The following PRICKLE2 variants were observed in gnomAD, a reference collection of about 807,000 sequenced individuals.
PRICKLE2 encodes prickle-like protein 2.
A neutral mutation model predicts 81.4 loss-of-function variants in PRICKLE2; 21 were observed. The observed-to-expected ratio is 0.26, with a 90% confidence interval of 0.18 to 0.37. The LOEUF is 0.37. PRICKLE2 is among the 10% of genes least tolerant of loss of function. The pLI is 1.00. For missense variants in PRICKLE2, 940 were observed against 1,109.0 expected (o/e 0.85, Z 2.16); for synonymous variants, 456 against 421.5 (o/e 1.08, Z -1.00).
chr3:64,102,998 G>A (rs539775174), intron 7 of PRICKLE2: 1 of 152,280 alleles, frequency 6.6e-6, no homozygotes, highest in South Asian at 2.1e-4. Context: ...GAACATGAAA[G>A]AACAAATGTG....
intron 2 of PRICKLE2, among the ~76,000 whole-genome samples, chr3:64,237,442 C>T (rs534957437): frequency 1.4e-4 from 22 of 152,012 alleles, no homozygotes; most frequent in African/African-American, 2.2e-4. Context: ...CATCTCCGGC[C>T]GAACTCTTCT....
chr3:64,195,941 C>A (rs1156975476), intron 2 of PRICKLE2, among the ~76,000 whole-genome samples: 1 of 152,156 alleles, frequency 6.6e-6, no homozygotes. Context: ...ATCCAAAGAA[C>A]AACAGAATTA....
intron 1 of PRICKLE2, among the ~76,000 whole-genome samples, chr3:64,209,379 T>G (rs1267220653): frequency 6.6e-6 from 1 of 151,246 alleles, no homozygotes; most frequent in Admixed American, 6.6e-5. Flanking sequence ...CATACATCCA[T>G]ATCTACCCAT....
intron 2 of PRICKLE2, among the ~76,000 whole-genome samples, chr3:64,178,963 T>TTTTCTTTCTTTCTTTC (rs373261746): frequency 9.4e-4 from 104 of 111,090 alleles, no homozygotes; most frequent in East Asian, 2.5e-3. Flanking sequence ...AACATACATA[T>TTTTCTTTCTTTCTTTC]TTTCTTTCTT....
intron 2 of PRICKLE2, among the ~76,000 whole-genome samples, chr3:64,249,102 T>A (rs1405920542): frequency 6.6e-6 from 1 of 152,162 alleles, no homozygotes; most frequent in Non-Finnish European, 1.5e-5. Flanking sequence ...GACTGGGCAA[T>A]TTATGAAGAA....
intron 2 of PRICKLE2, among the ~76,000 whole-genome samples, chr3:64,198,296 G>T (rs1388444845): frequency 6.6e-6 from 1 of 151,748 alleles, no homozygotes; most frequent in Admixed American, 6.6e-5. Flanking sequence ...ACTTTAAAAC[G>T]TTTTTGTTGG....
At chr3:64,258,845 A>AAAAGAAAGAAAGAAAAGAAAGAAAG (rs2079570252) in intron 2 of PRICKLE2, among the ~76,000 whole-genome samples, 1 of 34,000 alleles carries the variant, frequency 2.9e-5, no homozygotes, top group African/African-American at 1.3e-4. Context: ...AAAAAAAAAA[A>AAAAGAAAGAAAGAAAAGAAAGAAAG]AAAGAAAGAA....
chr3:64,236,925 C>T (rs2079190484), intron 2 of PRICKLE2, among the ~76,000 whole-genome samples: 1 of 152,140 alleles, frequency 6.6e-6, no homozygotes, highest in Admixed American at 6.5e-5. Flanking sequence ...ATAGATCTTC[C>T]CACTTATCAT....
chr3:64,117,595 T>C (rs536710309), intron 7 of PRICKLE2, among the ~76,000 whole-genome samples: 4 of 152,224 alleles, frequency 2.6e-5, no homozygotes, highest in Non-Finnish European at 4.4e-5. Context: ...TGAACTCCCA[T>C]TCACAATTGC....
intron 1 of PRICKLE2, among the ~76,000 whole-genome samples, chr3:64,212,789 A>G (rs949575322): frequency 6.6e-6 from 1 of 152,182 alleles, no homozygotes; most frequent in African/African-American, 2.4e-5. Flanking sequence ...CCCTATGTCT[A>G]GGGATACAAA....
At chr3:64,104,915 T>A (rs1559509964) in intron 7 of PRICKLE2, among the ~76,000 whole-genome samples, 2 of 152,228 alleles carry the variant, frequency 1.3e-5, no homozygotes, top group Non-Finnish European at 2.9e-5. Context: ...AACTGTGTAC[T>A]TGCCTCTAGA....
At chr3:64,203,090 C>A (rs771061174) in intron 1 of PRICKLE2, among the ~76,000 whole-genome samples, 4 of 152,128 alleles carry the variant, frequency 2.6e-5, no homozygotes, top group Admixed American at 6.5e-5. Context: ...CTTGAAGAAA[C>A]GAAATCAGTT....
At position 64,163,033 on chromosome 3, in the gene PRICKLE2, G is replaced by C. The variant is rs1485315397; in HGVS notation, c.241C>G (p.Pro81Ala). Residue 81 changes from proline to alanine, a missense_variant, in exon 3 of 8, where the codon CCG becomes GCG. Pro to Ala is a conservative substitution (Grantham distance 27). Transcript: ENST00000638394. ...LRIKQLLHQL[P>A]PHDNEVRYCN... ...CCCCTTACCTCATTGTCATGTGGCG[G>C]CAGCTGGTGTAGTAGCTGCTTGATT... 1 of 1,612,774 alleles carries C rather than the reference G, an allele frequency of 6.2e-7. No individual in the cohort carries two copies. The highest frequency in any genetic ancestry group is 8.5e-7 in the Non-Finnish European group (1 of 1,178,764).
intron 2 of PRICKLE2, among the ~76,000 whole-genome samples, chr3:64,234,827 A>G (rs752708393): frequency 1.3e-5 from 2 of 152,068 alleles, no homozygotes; most frequent in Non-Finnish European, 2.9e-5. Context: ...GTCTTTCAAC[A>G]TTTTGATTAT....
intron 2 of PRICKLE2, among the ~76,000 whole-genome samples, chr3:64,253,998 G>A (rs2079488029): frequency 4.6e-5 from 7 of 152,098 alleles, no homozygotes; most frequent in Admixed American, 4.6e-4. Flanking sequence ...TAGTCTCTTT[G>A]GGGCCTTCAG....
intron 2 of PRICKLE2, among the ~76,000 whole-genome samples, chr3:64,193,774 C>A (rs1305844799): frequency 1.3e-5 from 2 of 152,126 alleles, no homozygotes; most frequent in Non-Finnish European, 2.9e-5. Flanking sequence ...CTGATGGTTA[C>A]TATAAGGAGG....
intron 7 of PRICKLE2, among the ~76,000 whole-genome samples, chr3:64,113,521 A>T (rs830354): frequency 1.3e-5 from 2 of 151,956 alleles, no homozygotes; most frequent in Admixed American, 1.3e-4. Context: ...AGCCATGCAC[A>T]TGCTCCCTCC....
intron 5 of PRICKLE2, among the ~76,000 whole-genome samples, chr3:64,156,610 G>A (rs1354664103): frequency 6.6e-6 from 1 of 152,012 alleles, no homozygotes; most frequent in Admixed American, 6.6e-5. Context: ...TCTTACATAG[G>A]GTACTTCTTA....
intron 2 of PRICKLE2, among the ~76,000 whole-genome samples, chr3:64,191,774 G>C (rs1415949921): frequency 6.6e-6 from 1 of 151,646 alleles, no homozygotes; most frequent in African/African-American, 2.4e-5. Flanking sequence ...TGGAGTAGTA[G>C]AGAGATTTGC....
Sources: gnomAD v4.1 joint callset for allele counts (sites outside exome capture counted in the v4.1 genomes callset) on GRCh38, gnomAD v4.1.1 for gene constraint, MANE v1.5 for transcripts, NCBI Gene and HGNC (gene_info 2026-07-23, HGNC 2026-07-21) for gene names.